The following AFG2A variants were observed in gnomAD, a reference collection of about 807,000 sequenced individuals.
The protein encoded by AFG2A is AAA ATPase AFG2A.
the AFG2A span, among the ~76,000 whole-genome samples, chr4:122,973,361 T>C: frequency 6.6e-6 from 1 of 152,186 alleles, no homozygotes; most frequent in Non-Finnish European, 1.5e-5. Flanking sequence ...GCTGTTGTCA[T>C]TGTTTAAATT....
the AFG2A span, among the ~76,000 whole-genome samples, chr4:123,172,474 T>G: frequency 6.7e-4 from 102 of 152,316 alleles, 2 homozygotes; most frequent in South Asian, 0.021. Context: ...GTTTTACATC[T>G]TTAGTGAAAT....
At chr4:123,285,103 G>T in the AFG2A span, among the ~76,000 whole-genome samples, 2 of 151,906 alleles carry the variant, frequency 1.3e-5, no homozygotes, top group East Asian at 3.9e-4. Flanking sequence ...TCAAACCCTG[G>T]CAGTATGGGC....
chr4:122,929,176 A>C, the AFG2A span: 1 of 1,601,300 alleles, frequency 6.2e-7, no homozygotes, highest in Middle Eastern at 1.7e-4. Flanking sequence ...CTACAGGCTG[A>C]GGAAATGGAT....
At chr4:122,945,249 T>G in the AFG2A span, among the ~76,000 whole-genome samples, 1 of 152,210 alleles carries the variant, frequency 6.6e-6, no homozygotes, top group Non-Finnish European at 1.5e-5. Flanking sequence ...AGGTGGAGCC[T>G]ACAGAGGCAG....
chr4:123,264,857 G>A, the AFG2A span, among the ~76,000 whole-genome samples: 1 of 152,134 alleles, frequency 6.6e-6, no homozygotes, highest in South Asian at 2.1e-4. Context: ...AAAAATCTGT[G>A]TGGTTATATA....
At chr4:123,284,295 A>G in the AFG2A span, among the ~76,000 whole-genome samples, 1 of 152,158 alleles carries the variant, frequency 6.6e-6, no homozygotes, top group Non-Finnish European at 1.5e-5. Flanking sequence ...TCACTTTCAC[A>G]TGGGGCTGAG....
chr4:123,044,457 G>T, the AFG2A span, among the ~76,000 whole-genome samples: 2 of 152,022 alleles, frequency 1.3e-5, no homozygotes, highest in Non-Finnish European at 2.9e-5. Flanking sequence ...TTTTCATAAA[G>T]CATCAATAGT....
the AFG2A span, among the ~76,000 whole-genome samples, chr4:123,044,429 G>A: frequency 6.6e-6 from 1 of 152,014 alleles, no homozygotes; most frequent in Non-Finnish European, 1.5e-5. Context: ...TATCTCATTA[G>A]GGCATTGTCT....
chr4:123,224,971 C>G, the AFG2A span, among the ~76,000 whole-genome samples: 173 of 151,820 alleles, frequency 1.1e-3, no homozygotes, highest in Non-Finnish European at 1.3e-3. Flanking sequence ...GTGATGATGA[C>G]CATTTTTTCA....
At chr4:123,027,562 G>A in the AFG2A span, among the ~76,000 whole-genome samples, 1 of 152,138 alleles carries the variant, frequency 6.6e-6, no homozygotes, top group Non-Finnish European at 1.5e-5. Flanking sequence ...AACTGTGGTT[G>A]TTCATGGTTA....
chr4:122,929,710 A>AT, the AFG2A span, among the ~76,000 whole-genome samples: 1 of 150,594 alleles, frequency 6.6e-6, no homozygotes, highest in Non-Finnish European at 1.5e-5. Context: ...AAGAAAAAAA[A>AT]AGTTACCAAT....
At chr4:123,124,146 C>G in the AFG2A span, among the ~76,000 whole-genome samples, 6 of 151,866 alleles carry the variant, frequency 4.0e-5, no homozygotes, top group African/African-American at 1.5e-4. Flanking sequence ...GGGTATATAC[C>G]CAAACGATTA....
chr4:123,256,721 C>CCCT, the AFG2A span: 1 of 985,404 alleles, frequency 1.0e-6, no homozygotes. Flanking sequence ...GGACCATCTG[C>CCCT]CCTTACCTCT....
At chr4:122,954,657 G>A in the AFG2A span, among the ~76,000 whole-genome samples, 13 of 152,344 alleles carry the variant, frequency 8.5e-5, no homozygotes, top group Admixed American at 5.2e-4. Flanking sequence ...GGTCTCTGAT[G>A]TTTTAGGTTG....
chr4:123,156,486 A>T, the AFG2A span, among the ~76,000 whole-genome samples: 112 of 152,318 alleles, frequency 7.4e-4, 1 homozygote, highest in Non-Finnish European at 1.1e-3. Flanking sequence ...AATGTGCCAA[A>T]AAGTTCCAAA....
chr4:123,074,358 C>T, the AFG2A span, among the ~76,000 whole-genome samples: 1 of 151,384 alleles, frequency 6.6e-6, no homozygotes, highest in African/African-American at 2.4e-5. Flanking sequence ...GCCTTCCATT[C>T]TCATAAGGGG....
the AFG2A span, chr4:123,057,343 A>C: frequency 4.0e-6 from 6 of 1,507,410 alleles, no homozygotes; most frequent in Non-Finnish European, 5.5e-6. Flanking sequence ...TTACATAATA[A>C]TAGCAATTAT....
the AFG2A span, chr4:122,933,515 A>C: frequency 6.2e-7 from 1 of 1,604,588 alleles, no homozygotes; most frequent in Non-Finnish European, 8.5e-7. Context: ...AAATATTTTA[A>C]ATTGTTTTCT....
the AFG2A span, among the ~76,000 whole-genome samples, chr4:123,235,588 G>T: frequency 6.6e-6 from 1 of 152,326 alleles, no homozygotes; most frequent in South Asian, 2.1e-4. Context: ...TAGAATAAGT[G>T]TAGTATGGAA....
Sources: allele counts gnomAD v4.1 joint callset (sites outside exome capture counted in the v4.1 genomes callset), GRCh38; gene constraint gnomAD v4.1.1; transcripts MANE v1.5; gene names NCBI Gene and HGNC (gene_info 2026-07-23, HGNC 2026-07-21).